DGLUCY: variants seen among roughly 807,000 people sequenced by gnomAD.
DGLUCY encodes the protein D-glutamate cyclase, also known as D-glutamate cyclase, mitochondrial.
In DGLUCY, 58 loss-of-function variants were observed where a neutral mutation model predicts 58.5. The observed-to-expected ratio is 0.99, with a 90% CI of 0.80 to 1.23. The LOEUF is 1.23. DGLUCY is among the 50% of genes most tolerant of loss of function. The pLI is 0.00. For synonymous variants in DGLUCY, 325 were observed against 314.1 expected, an observed-to-expected ratio of 1.03 and a Z score of -0.37; for missense variants, 779 against 784.7, an observed-to-expected ratio of 0.99 and a Z score of 0.09.
chr14:91,210,005 G>A (rs528372312), intron 12 of DGLUCY, among the ~76,000 whole-genome samples: 2 of 152,260 alleles, frequency 1.3e-5, no homozygotes, highest in South Asian at 4.1e-4. Flanking sequence ...AATACGCCAG[G>A]CACAATGGTG....
rs148419374 is a variant in DGLUCY, at chr14:91,161,359, C to T, written c.103+962C>T. On this transcript the variant is annotated intron_variant, in intron 3 of 13. Coordinates refer to ENST00000256324, the MANE Select transcript of DGLUCY (RefSeq NM_001102368.3). Reference sequence around the variant, plus strand: ...TGCTGGAGTTACAGGTGTGAGCCACCGCACCAGGCCCAACAAAGCACTCTT... The same window carrying T: ...TGCTGGAGTTACAGGTGTGAGCCACTGCACCAGGCCCAACAAAGCACTCTT... 3.2e-3 allele frequency among the ~76,000 whole-genome samples: 488 copies of T among 152,328 alleles called. 4 individuals are homozygous for T. The highest frequency in any genetic ancestry group is 0.017 in the Middle Eastern group (5 of 294).
intron 1 of DGLUCY, among the ~76,000 whole-genome samples, chr14:91,108,487 TTGTGTGTGTGTGTGTG>T (rs34711327): frequency 6.7e-5 from 5 of 74,938 alleles, no homozygotes; most frequent in African/African-American, 1.1e-4. Flanking sequence ...CTTGAAGAAT[TTGTGTGTGTGTGTGTG>T]TGTGTGTGTG....
At chr14:91,067,137 C>CA (rs1195989090) in intron 1 of DGLUCY, among the ~76,000 whole-genome samples, 1 of 121,630 alleles carries the variant, frequency 8.2e-6, no homozygotes, top group African/African-American at 3.1e-5. Flanking sequence ...TGAGGAAGAA[C>CA]AAAAAAAAGA....
chr14:91,061,193 A>C (rs951277077), intron 1 of DGLUCY, among the ~76,000 whole-genome samples: 2 of 152,184 alleles, frequency 1.3e-5, no homozygotes, highest in Non-Finnish European at 2.9e-5. Context: ...CGTGTGTGAC[A>C]ACCAGCGAGA....
intron 12 of DGLUCY, among the ~76,000 whole-genome samples, chr14:91,211,067 G>A (rs1004144873): frequency 1.3e-5 from 2 of 151,820 alleles, no homozygotes; most frequent in Non-Finnish European, 2.9e-5. Flanking sequence ...ATGAACAAGT[G>A]GAATTTAAAA....
At chr14:91,210,840 C>T (rs1194532204) in intron 12 of DGLUCY, among the ~76,000 whole-genome samples, 1 of 152,164 alleles carries the variant, frequency 6.6e-6, no homozygotes, top group Non-Finnish European at 1.5e-5. Flanking sequence ...CTATTTTCAA[C>T]ATTGTATTGG....
In DGLUCY at chr14:91,086,531, A is replaced by C. The variant is rs191633558; in HGVS notation, c.-82+25827A>C. On this transcript the variant is annotated intron_variant, in intron 1 of 4. Transcript: ENST00000521334. ...AGACCATTGTTACACTGTATCATTT[A>C]GGGAATAATGACAAGAAAAAAAGCC... 3.9e-5 allele frequency among the ~76,000 whole-genome samples: 6 copies of C among 152,332 alleles called. No individual in the cohort carries two copies. In the East Asian group the frequency reaches 1.2e-3, roughly 29 times the overall value.
upstream of DGLUCY, among the ~76,000 whole-genome samples, chr14:91,106,693 C>T (rs1046029026): frequency 1.6e-5 from 2 of 127,416 alleles, no homozygotes; most frequent in South Asian, 2.8e-4. Context: ...GGCAACAAAG[C>T]GAGACTCTGT....
rs189158383 is a variant in DGLUCY, at chr14:91,095,057, C to T, written c.-82+34353C>T. Among the ~76,000 whole-genome samples, 7 of 152,240 alleles carry T rather than the reference C, an allele frequency of 4.6e-5. No homozygotes were observed. The East Asian group carries it at 9.7e-4, about 21-fold the overall frequency. On this transcript the variant is annotated intron_variant, in intron 1 of 4. Coordinates refer to the DGLUCY transcript ENST00000521334. ...TCTCCTAGCCACACAAAACTCTAGC[C>T]GTCTCCTCTGGTCATGAGACAGCAC...
At chr14:91,108,487 TTGTGTGTGTG>T (rs34711327) in intron 1 of DGLUCY, among the ~76,000 whole-genome samples, 8 of 74,938 alleles carry the variant, frequency 1.1e-4, no homozygotes, top group African/African-American at 1.7e-4. Flanking sequence ...CTTGAAGAAT[TTGTGTGTGTG>T]TGTGTGTGTG....
intron 1 of DGLUCY, among the ~76,000 whole-genome samples, chr14:91,088,356 C>T (rs757842310): frequency 4.3e-4 from 66 of 152,208 alleles, no homozygotes; most frequent in African/African-American, 1.4e-3. Flanking sequence ...TTCCACCCCA[C>T]GATTATAAGA....
At chr14:91,092,128 C>T (rs80285821) in intron 1 of DGLUCY, among the ~76,000 whole-genome samples, 12 of 152,326 alleles carry the variant, frequency 7.9e-5, no homozygotes, top group South Asian at 2.1e-4. Context: ...TGGAGCCTTT[C>T]CTGATGACTT....
intron 11 of DGLUCY, among the ~76,000 whole-genome samples, chr14:91,200,715 T>C (rs1323619261): frequency 1.3e-5 from 2 of 152,128 alleles, no homozygotes; most frequent in Non-Finnish European, 2.9e-5. Context: ...TAGCTGGGAC[T>C]ACAGGGTGTG....
intron 7 of DGLUCY, among the ~76,000 whole-genome samples, chr14:91,179,200 A>G (rs1301865788): frequency 6.6e-6 from 1 of 152,254 alleles, no homozygotes; most frequent in Non-Finnish European, 1.5e-5. Context: ...ACTCAAAGAT[A>G]GTAATGACAC....
In DGLUCY at chr14:91,213,692, T is replaced by TTGTTTGTTTGTG. The variant is rs1269129302; in HGVS notation, c.1565-1702_1565-1701insGTGTTTGTTTGT. Among the ~76,000 whole-genome samples, 8 of 7,366 alleles carry TTGTTTGTTTGTG rather than the reference T, an allele frequency of 1.1e-3. 1 individual carries two copies. The South Asian group carries it at 0.057, about 52-fold the overall frequency. The allele number at this position is 7,366 out of a possible 152,430, so 4.8% of individuals were successfully genotyped here. ...CACATGCCTTTGTATTCACTGAAGA[T>TTGTTTGTTTGTG]TGTTTGTTTGTTTGTTTGTTTGTTT... On this transcript the variant is annotated intron_variant, in intron 12 of 13. Transcript: ENST00000256324.
At chr14:91,203,275 A>G (rs781270722) in intron 11 of DGLUCY, among the ~76,000 whole-genome samples, 2 of 152,236 alleles carry the variant, frequency 1.3e-5, no homozygotes, top group Admixed American at 6.5e-5. Context: ...AACCATCAGG[A>G]TATAAATCTA....
At chr14:91,141,154 G>A (rs1202418209) in intron 1 of DGLUCY, among the ~76,000 whole-genome samples, 3 of 152,122 alleles carry the variant, frequency 2.0e-5, no homozygotes, top group Non-Finnish European at 4.4e-5. Context: ...GGGAGGCTGA[G>A]GCACGTGGAT....
chr14:91,208,690 G>A (rs534279439), intron 12 of DGLUCY, among the ~76,000 whole-genome samples: 70 of 152,186 alleles, frequency 4.6e-4, no homozygotes, highest in African/African-American at 1.6e-3. Flanking sequence ...TTGAGGCTGC[G>A]GTGAGCCATG....
chr14:91,109,209 T>C (rs1015152729), upstream of DGLUCY, among the ~76,000 whole-genome samples: 30 of 152,184 alleles, frequency 2.0e-4, no homozygotes, highest in Non-Finnish European at 3.2e-4. Flanking sequence ...TTGAAAACTC[T>C]GCAAACCCTG....
Sources: gnomAD v4.1 joint callset for allele counts (sites outside exome capture counted in the v4.1 genomes callset) on GRCh38, gnomAD v4.1.1 for gene constraint, MANE v1.5 for transcripts, NCBI Gene and HGNC (gene_info 2026-07-23, HGNC 2026-07-21) for gene names.